PCSK2: variants seen among roughly 807,000 people sequenced by gnomAD.
The protein encoded by PCSK2 is proprotein convertase subtilisin/kexin type 2.
In PCSK2, 14 loss-of-function variants were observed where a neutral mutation model predicts 69.7. That is an observed-to-expected ratio of 0.20 (90% CI 0.13 to 0.31). The LOEUF (loss-of-function observed/expected upper bound fraction) is 0.31, where lower values mean the gene tolerates loss of function less well. Ranked by LOEUF, PCSK2 falls within the 10% of genes least tolerant of loss-of-function variation. The pLI is 1.00. For synonymous variants in PCSK2, 307 were observed against 320.7 expected, an observed-to-expected ratio of 0.96 and a Z score of 0.46; for missense variants, 544 against 842.5, an observed-to-expected ratio of 0.65 and a Z score of 4.39.
At chr20:17,369,161 ACTTTCTTGGGCAG>A in intron 4 of PCSK2, 66 bp from the exon 5 acceptor site, 1 of 1,283,262 alleles carries the variant, frequency 7.8e-7, no homozygotes, top group South Asian at 1.2e-5. Flanking sequence ...TAAAGAGGGC[ACTTTCTTGGGCAG>A]CTTTCCTGAG....
At chr20:17,356,084 C>T (rs1350377016) in intron 2 of PCSK2, among the ~76,000 whole-genome samples, 1 of 151,984 alleles carries the variant, frequency 6.6e-6, no homozygotes, top group Non-Finnish European at 1.5e-5. Flanking sequence ...GACAGTATGA[C>T]ACACACATAT....
At chr20:17,240,998 A>G (rs1315712408) in intron 1 of PCSK2, among the ~76,000 whole-genome samples, 4 of 152,230 alleles carry the variant, frequency 2.6e-5, no homozygotes, top group Non-Finnish European at 5.9e-5. Context: ...TCCCTCACGT[A>G]TAAAATGAAG....
rs943161415 is a variant in PCSK2 at position 17,482,776 on chromosome 20, C to G, written c.*706C>G. On this transcript the variant is annotated 3_prime_UTR_variant, in exon 12 of 12. Transcript: ENST00000262545. ...AACTTACAGAGCGTGGCTGTGCTCT[C>G]ACCAGCTGCTGCTCTGAGTTATGTT... 6.6e-6 allele frequency: 1 copy of G among 152,612 alleles called. No individual in the cohort carries two copies. The highest frequency in any genetic ancestry group is 6.5e-5 in the Admixed American group (1 of 15,304). 9.5% of individuals were successfully genotyped at this position (152,612 alleles called of 1,614,324 possible).
At chr20:17,276,915 A>T (rs1406301442) in intron 2 of PCSK2, among the ~76,000 whole-genome samples, 1 of 152,176 alleles carries the variant, frequency 6.6e-6, no homozygotes, top group Non-Finnish European at 1.5e-5. Flanking sequence ...GCGTTCTTAT[A>T]CACCAACAAC....
chr20:17,435,867 C>T (rs1215651872), intron 7 of PCSK2, among the ~76,000 whole-genome samples: 1 of 152,178 alleles, frequency 6.6e-6, no homozygotes, highest in Non-Finnish European at 1.5e-5. Flanking sequence ...CTGAGATCCC[C>T]CTGGAGAGGC....
chr20:17,391,437 C>G (rs116648549), intron 5 of PCSK2, among the ~76,000 whole-genome samples: 3,466 of 152,110 alleles, frequency 0.023, 138 homozygotes, highest in African/African-American at 0.078. Context: ...GAGTTGAGAG[C>G]CTATGACTTG....
chr20:17,465,249 C>G, intron 10 of PCSK2, 77 bp from the exon 11 acceptor site: 1 of 973,700 alleles, frequency 1.0e-6, no homozygotes, highest in Non-Finnish European at 1.6e-6. Context: ...TAATATTTCT[C>G]TTAATCATTG....
intron 1 of PCSK2, among the ~76,000 whole-genome samples, chr20:17,230,596 T>C (rs989684869): frequency 2.0e-5 from 3 of 152,360 alleles, no homozygotes; most frequent in Admixed American, 2.0e-4. Context: ...CTTTTCTTTT[T>C]ACTTTTATTA....
intron 2 of PCSK2, among the ~76,000 whole-genome samples, chr20:17,338,708 G>A (rs1990428354): frequency 6.6e-6 from 1 of 152,140 alleles, no homozygotes; most frequent in African/African-American, 2.4e-5. Context: ...TGAGAGAGGG[G>A]TCATTCCCAG....
chr20:17,309,448 T>G (rs570175851), intron 2 of PCSK2, among the ~76,000 whole-genome samples: 1 of 152,310 alleles, frequency 6.6e-6, no homozygotes, highest in East Asian at 1.9e-4. Flanking sequence ...ATAAATACTC[T>G]GCAGAGTACT....
chr20:17,355,566 T>G (rs2030165910), intron 2 of PCSK2, among the ~76,000 whole-genome samples: 1 of 152,182 alleles, frequency 6.6e-6, no homozygotes, highest in East Asian at 1.9e-4. Flanking sequence ...GTGTATCTGA[T>G]GGCTATGTTT....
chr20:17,325,370 C>A (rs1025084822), intron 2 of PCSK2, among the ~76,000 whole-genome samples: 1 of 152,172 alleles, frequency 6.6e-6, no homozygotes, highest in African/African-American at 2.4e-5. Flanking sequence ...AGACATTGTC[C>A]TTTTGGCTTA....
intron 6 of PCSK2, 68 bp downstream of exon 6, chr20:17,409,407 C>A: frequency 9.4e-7 from 1 of 1,063,696 alleles, no homozygotes; most frequent in Non-Finnish European, 1.5e-6. Flanking sequence ...TGTTTTGTTT[C>A]AGGCTTGACT....
At chr20:17,356,209 T>C (rs2123206099) in intron 2 of PCSK2, among the ~76,000 whole-genome samples, 1 of 152,234 alleles carries the variant, frequency 6.6e-6, no homozygotes, top group South Asian at 2.1e-4. Context: ...TGGGCACTAG[T>C]TAGGTCCAAA....
chr20:17,363,032 C>A (rs1041340317), intron 4 of PCSK2, among the ~76,000 whole-genome samples: 9 of 152,198 alleles, frequency 5.9e-5, no homozygotes, highest in African/African-American at 2.2e-4. Flanking sequence ...GGTGCCATGT[C>A]CCAGACATTT....
intron 2 of PCSK2, among the ~76,000 whole-genome samples, chr20:17,303,356 C>T (rs1568593101): frequency 3.3e-5 from 4 of 121,842 alleles, no homozygotes; most frequent in African/African-American, 9.6e-5. Context: ...TATAAACATA[C>T]AATATATGAT....
chr20:17,447,499 G>T (rs746834552), intron 8 of PCSK2, among the ~76,000 whole-genome samples: 1 of 152,076 alleles, frequency 6.6e-6, no homozygotes, highest in African/African-American at 2.4e-5. Flanking sequence ...AAATTATGAC[G>T]CATATGAGCT....
At chr20:17,373,635 T>C (rs1177214412) in intron 5 of PCSK2, among the ~76,000 whole-genome samples, 1 of 152,230 alleles carries the variant, frequency 6.6e-6, no homozygotes, top group Admixed American at 6.5e-5. Flanking sequence ...TTGAAAACTC[T>C]ACCCAAGGCT....
intron 5 of PCSK2, among the ~76,000 whole-genome samples, chr20:17,378,123 C>A (rs926629922): frequency 6.6e-5 from 10 of 152,206 alleles, no homozygotes; most frequent in Admixed American, 1.3e-4. Flanking sequence ...TTATAATATG[C>A]TTAGTGCTAA....
Sources: allele counts gnomAD v4.1 joint callset (sites outside exome capture counted in the v4.1 genomes callset), GRCh38; gene constraint gnomAD v4.1.1; transcripts MANE v1.5; gene names NCBI Gene and HGNC (gene_info 2026-07-23, HGNC 2026-07-21).